SLC37A1: variants seen among roughly 807,000 people sequenced by gnomAD.
The protein encoded by SLC37A1 is glucose-6-phosphate exchanger SLC37A1.
SLC37A1 carries 49 observed loss-of-function variants against 75.3 expected under a neutral mutation model. The observed-to-expected ratio is 0.65, with a 90% CI of 0.52 to 0.83. The LOEUF (loss-of-function observed/expected upper bound fraction) is 0.83, where lower values mean the gene tolerates loss of function less well. Ranked by LOEUF, SLC37A1 falls within the 40% of genes least tolerant of loss-of-function variation. The pLI is 0.00. For missense variants in SLC37A1, 566 were observed against 695.0 expected, an observed-to-expected ratio of 0.81 and a Z score of 2.09; for synonymous variants, 268 against 292.1, an observed-to-expected ratio of 0.92 and a Z score of 0.84.
chr21:42,531,133 G>A (rs1032570740), intron 3 of SLC37A1, among the ~76,000 whole-genome samples: 10 of 152,188 alleles, frequency 6.6e-5, no homozygotes, highest in African/African-American at 1.4e-4. Context: ...TGGATGTGGC[G>A]AGGGAGTCTG....
intron 2 of SLC37A1, among the ~76,000 whole-genome samples, chr21:42,523,414 G>A (rs1028197656): frequency 3.3e-5 from 5 of 152,254 alleles, no homozygotes; most frequent in Admixed American, 3.3e-4. Context: ...CTGGACAAGT[G>A]AGCATTGAGG....
At position 42,542,493 on chromosome 21, in the gene SLC37A1, AG is replaced by A. The variant is rs1273738812; in HGVS notation, c.563+14del. On this transcript the variant is annotated intron_variant, in intron 7 of 19. Transcript: ENST00000352133. ...TTGGAAAAGGAAGGTGAGAAAAAGC[AG>A]CCCTGTTTCCAATAGCAGATGAAAA... The A allele has an allele frequency of 1.2e-6, 2 of 1,613,886 alleles. No individual in the cohort carries two copies. The highest frequency in any genetic ancestry group is 3.3e-5 in the Admixed American group (2 of 60,024).
intron 1 of SLC37A1, among the ~76,000 whole-genome samples, chr21:42,516,325 C>T (rs1402411821): frequency 6.6e-6 from 1 of 152,090 alleles, no homozygotes; most frequent in African/African-American, 2.4e-5. Context: ...TGGAATCTGC[C>T]CCACTTATCC....
At chr21:42,537,619 C>T (rs1348098491) in intron 5 of SLC37A1, among the ~76,000 whole-genome samples, 4 of 152,192 alleles carry the variant, frequency 2.6e-5, no homozygotes, top group African/African-American at 4.8e-5. Flanking sequence ...TCCTACAACA[C>T]ACAGGACAGC....
In SLC37A1 at chr21:42,547,215, G is replaced by A. The variant is rs913483071; in HGVS notation, c.768+75G>A. 1.9e-5 allele frequency: 30 copies of A among 1,544,096 alleles called. No individual in the cohort carries two copies. The highest frequency in any genetic ancestry group is 3.3e-5 in the Admixed American group (2 of 59,788). On this transcript the variant is annotated intron_variant, in intron 9 of 19. Coordinates refer to ENST00000352133, the MANE Select transcript of SLC37A1 (RefSeq NM_001320537.2). This position sits in a 1 kb window ranked among gnomAD's most constrained non-coding sequence, Gnocchi z 6.1. ...CCACTTCCCCAGCCTGCTCCTGCCT[G>A]TGCGGTGTCAGACAGAAACACACAG...
rs944465903 is a variant in SLC37A1 at position 42,568,536 on chromosome 21, A to G, written c.1423+98A>G. ...GGTACCCAGGGTTCCAACTGCATCTATAACATTGGGTGGGCCGGCTTCTTA... is the reference window on the plus strand; with the variant it reads ...GGTACCCAGGGTTCCAACTGCATCTGTAACATTGGGTGGGCCGGCTTCTTA... On this transcript the variant is annotated intron_variant, in intron 17 of 19. Coordinates refer to ENST00000352133, the MANE Select transcript of SLC37A1 (RefSeq NM_001320537.2). 1.5e-5 allele frequency: 18 copies of G among 1,200,444 alleles called. No individual in the cohort carries two copies. In the East Asian group the frequency reaches 2.0e-4, roughly 13 times the overall value. The allele number at this position is 1,200,444 out of a possible 1,614,324, so 74.4% of individuals were successfully genotyped here. A position where few individuals can be genotyped will look rare whatever the true frequency, so the allele number is the denominator to read the frequency against.
intron 2 of SLC37A1, among the ~76,000 whole-genome samples, chr21:42,508,113 G>C (rs1404776542): frequency 2.0e-5 from 3 of 146,958 alleles, no homozygotes; most frequent in Non-Finnish European, 3.0e-5. Context: ...CTGGACTGAA[G>C]AGTACGCTCT....
At chr21:42,532,597 G>A (rs2055016665) in intron 3 of SLC37A1, among the ~76,000 whole-genome samples, 1 of 152,164 alleles carries the variant, frequency 6.6e-6, no homozygotes, top group African/African-American at 2.4e-5. Context: ...ACAAGGCGGC[G>A]GGTGAACAGA....
intron 3 of SLC37A1, among the ~76,000 whole-genome samples, chr21:42,530,654 A>ACACACACACACACACACCCC (rs1161313598): frequency 1.7e-4 from 6 of 35,880 alleles, no homozygotes; most frequent in Non-Finnish European, 2.1e-4. Context: ...ACACACACAC[A>ACACACACACACACACACCCC]CCCCCTCTGT....
chr21:42,568,356 C>G lies in SLC37A1; in HGVS notation c.1345-4C>G. The G allele has an allele frequency of 6.2e-7, 1 of 1,613,618 alleles. No homozygotes were observed. Among genetic ancestry groups the G allele is most frequent in the Non-Finnish European group, 8.5e-7 (1 of 1,179,666 alleles). On this transcript the variant is annotated splice_region_variant and splice_polypyrimidine_tract_variant and intron_variant, in intron 16 of 19. Coordinates refer to ENST00000352133, the MANE Select transcript of SLC37A1 (RefSeq NM_001320537.2). ...ACTGCACGTCTGTTTTTCCTCTCTT[C>G]TAGGGGACTCATAAAAGTCTGAAAG...
Position 42,568,016 on chromosome 21 carries a change from C to A in SLC37A1, c.1345-344C>A, listed in dbSNP as rs140312509. 4.0e-3 allele frequency among the ~76,000 whole-genome samples: 612 copies of A among 152,368 alleles called. 5 individuals carry two copies. Among genetic ancestry groups the A allele is most frequent in the Admixed American group, 0.01 (154 of 15,308 alleles). On this transcript the variant is annotated intron_variant, in intron 16 of 19. Transcript: ENST00000352133. Reference sequence around the variant, plus strand: ...GGATGTGTCTGGGAAGGAAGGCCGGCGCAGCTCAGGGCAGGGGCGCGCGTT... The same window carrying A: ...GGATGTGTCTGGGAAGGAAGGCCGGAGCAGCTCAGGGCAGGGGCGCGCGTT...
At chr21:42,523,274 C>T (rs1295931258) in intron 2 of SLC37A1, among the ~76,000 whole-genome samples, 1 of 152,176 alleles carries the variant, frequency 6.6e-6, no homozygotes, top group East Asian at 1.9e-4. Context: ...CTTTGTTCAC[C>T]TGTTTTGAGG....
Position 42,562,181 on chromosome 21 carries a change from G to A in SLC37A1, c.1072+13G>A, listed in dbSNP as rs761392807. 1.5e-5 allele frequency: 24 copies of A among 1,609,928 alleles called. No individual in the cohort carries two copies. The highest frequency in any genetic ancestry group is 4.0e-5 in the African/African-American group (3 of 74,784). The stretch of plus-strand genomic sequence containing the variant: ...ATCACGAATGTGGGTGAGTATCCAC[G>A]CTAGAACACATTAAATTCCGCACAG... On this transcript the variant is annotated intron_variant, in intron 12 of 19. Coordinates refer to ENST00000352133, the MANE Select transcript of SLC37A1 (RefSeq NM_001320537.2).
At chr21:42,530,112 A>G (rs1205511684) in intron 3 of SLC37A1, among the ~76,000 whole-genome samples, 4 of 152,256 alleles carry the variant, frequency 2.6e-5, no homozygotes, top group Non-Finnish European at 5.9e-5. Flanking sequence ...AATTATCACA[A>G]GTCCGTATTA....
intron 17 of SLC37A1, among the ~76,000 whole-genome samples, chr21:42,572,673 C>CAA (rs1569044766): frequency 5.2e-5 from 1 of 19,240 alleles, no homozygotes; most frequent in African/African-American, 2.4e-4. Context: ...CAGCCACACA[C>CAA]ACACAAAAAA....
At chr21:42,575,886 A>AAGC in intron 18 of SLC37A1, 3 of 985,354 alleles carry the variant, frequency 3.0e-6, no homozygotes, top group Non-Finnish European at 3.6e-6. Flanking sequence ...TTAATGCCTG[A>AAGC]ATGTTCTAAT....
intron 17 of SLC37A1, 143 bp from the exon 18 acceptor site, chr21:42,574,675 G>A (rs2056266899): frequency 4.1e-6 from 3 of 724,972 alleles, no homozygotes; most frequent in Non-Finnish European, 6.7e-6. Context: ...CTCCCAATCT[G>A]ATAGGCCAGG....
At chr21:42,544,887 G>A (rs757586538) in intron 8 of SLC37A1, among the ~76,000 whole-genome samples, 6 of 152,182 alleles carry the variant, frequency 3.9e-5, no homozygotes, top group African/African-American at 4.8e-5. Flanking sequence ...CTTTGTTAGC[G>A]CACAGGGGCC....
intron 16 of SLC37A1, among the ~76,000 whole-genome samples, 160 bp downstream of exon 16, chr21:42,567,218 CG>C (rs200833265): frequency 0.013 from 1,908 of 152,328 alleles, 28 homozygotes; most frequent in African/African-American, 0.028. Flanking sequence ...GCACCTGCCC[CG>C]CTGCTCACCC....
Sources: gnomAD v4.1 joint callset for allele counts (sites outside exome capture counted in the v4.1 genomes callset) on GRCh38, gnomAD v4.1.1 for gene constraint, Gnocchi (gnomAD v3.1) non-coding constraint, MANE v1.5 for transcripts, NCBI Gene and HGNC (gene_info 2026-07-23, HGNC 2026-07-21) for gene names.